RNF125: variants seen among roughly 807,000 people sequenced by gnomAD.
The protein encoded by RNF125 is ring finger protein 125, also known as E3 ubiquitin-protein ligase RNF125.
Under a neutral mutation model 26.0 loss-of-function variants are expected in RNF125, and 21 were observed. The ratio of observed to expected loss-of-function variants is 0.81; its 90% CI spans 0.57 to 1.16. The LOEUF is 1.16. Ranked by LOEUF, RNF125 falls within the 50% of genes most tolerant of loss-of-function variation. The pLI is 0.00. For synonymous variants in RNF125, 95 were observed against 109.2 expected, an observed-to-expected ratio of 0.87 and a Z score of 0.81; for missense variants, 270 against 299.4, an observed-to-expected ratio of 0.90 and a Z score of 0.72.
At chr18:32,053,699 T>C (rs1162052786) in intron 4 of RNF125, among the ~76,000 whole-genome samples, 2 of 150,894 alleles carry the variant, frequency 1.3e-5, no homozygotes, top group Middle Eastern at 3.2e-3. Flanking sequence ...GCGCGGGAGG[T>C]AGAGGCTGCA....
chr18:32,025,613 G>A (rs543609656), intron 1 of RNF125, among the ~76,000 whole-genome samples: 5 of 142,710 alleles, frequency 3.5e-5, no homozygotes, highest in Admixed American at 1.5e-4. Flanking sequence ...TGCAATAGCC[G>A]AGATGGCGCC....
chr18:32,029,180 G>C (rs2039068487), intron 1 of RNF125, among the ~76,000 whole-genome samples: 1 of 152,044 alleles, frequency 6.6e-6, no homozygotes, highest in African/African-American at 2.4e-5. Flanking sequence ...TCACTTTAAT[G>C]TTTTATAATT....
intron 1 of RNF125, among the ~76,000 whole-genome samples, chr18:32,034,678 T>C (rs148417743): frequency 0.022 from 3,387 of 152,072 alleles, 114 homozygotes; most frequent in African/African-American, 0.076. Context: ...TTTGGGAGGC[T>C]GAGGCGGGCA....
At chr18:32,039,571 T>G (rs1285772690) in intron 2 of RNF125, among the ~76,000 whole-genome samples, 6 of 152,132 alleles carry the variant, frequency 3.9e-5, no homozygotes, top group Admixed American at 6.6e-5. Flanking sequence ...TAATAATAGA[T>G]TATTGCCTAT....
At chr18:32,031,485 GGA>G (rs1491546993) in intron 1 of RNF125, 4 of 22,210 alleles carry the variant, frequency 1.8e-4, no homozygotes, top group South Asian at 1.4e-3. Context: ...TCAAATTGTG[GGA>G]AAAAAAAAAA....
the RNF125 span, among the ~76,000 whole-genome samples, chr18:32,089,543 CTA>C: frequency 6.6e-6 from 1 of 152,300 alleles, no homozygotes; most frequent in East Asian, 1.9e-4. Flanking sequence ...TTGAGTAAAT[CTA>C]TGACATTCTT....
At chr18:32,059,840 A>G (rs913916733) in intron 4 of RNF125, among the ~76,000 whole-genome samples, 1 of 152,126 alleles carries the variant, frequency 6.6e-6, no homozygotes, top group African/African-American at 2.4e-5. Flanking sequence ...TGAATAATCT[A>G]TATCCTAAGG....
rs762441388 is a variant in RNF125 at position 32,037,116 on chromosome 18, A to T, written c.165A>T (p.Val55=). The change falls in exon 2 of 6, where the codon GTA becomes GTT. Residue 55 remains valine (V), a splice_region_variant and synonymous_variant. Transcript: ENST00000217740. ...HQPVRTRCGH[V]FCRSCIATSL... is the part of the protein sequence containing the mutation. Reference sequence around the variant, plus strand: ...TGTATTTTTGGTCTGTTTGGGGTAGATTCTGCCGTTCCTGTATTGCTACCA... The same window carrying T: ...TGTATTTTTGGTCTGTTTGGGGTAGTTTCTGCCGTTCCTGTATTGCTACCA... 1 of 1,602,334 alleles carries T rather than the reference A, an allele frequency of 6.2e-7. No individual in the cohort carries two copies. The highest frequency in any genetic ancestry group is 2.3e-5 in the East Asian group (1 of 44,040).
intron 4 of RNF125, among the ~76,000 whole-genome samples, chr18:32,058,011 A>C (rs2039401661): frequency 6.6e-6 from 1 of 151,930 alleles, no homozygotes; most frequent in Admixed American, 6.6e-5. Flanking sequence ...TTATGCCAGT[A>C]GTCCCAGCAT....
At chr18:32,044,271 C>G (rs2039247379) in intron 3 of RNF125, among the ~76,000 whole-genome samples, 1 of 152,190 alleles carries the variant, frequency 6.6e-6, no homozygotes, top group African/African-American at 2.4e-5. Flanking sequence ...TCCCAGAGTG[C>G]TGGGATTACA....
chr18:32,027,646 G>A (rs1180267020), intron 1 of RNF125, among the ~76,000 whole-genome samples: 2 of 152,030 alleles, frequency 1.3e-5, no homozygotes, highest in African/African-American at 2.4e-5. Flanking sequence ...CTTTTCATCC[G>A]TTGTTCCAAG....
downstream of RNF125, among the ~76,000 whole-genome samples, chr18:32,077,365 G>A (rs116773296): frequency 8.8e-3 from 859 of 97,998 alleles, 14 homozygotes; most frequent in African/African-American, 0.031. Flanking sequence ...TTTGAGACAT[G>A]TAATCCCAAC....
At chr18:32,081,193 G>GAAAA in the RNF125 span, among the ~76,000 whole-genome samples, 2 of 104,398 alleles carry the variant, frequency 1.9e-5, no homozygotes, top group Non-Finnish European at 3.7e-5. Flanking sequence ...GACTACATCT[G>GAAAA]AAAAAAAAAA....
At chr18:32,046,850 G>C (rs1286063932) in intron 4 of RNF125, among the ~76,000 whole-genome samples, 2 of 151,534 alleles carry the variant, frequency 1.3e-5, no homozygotes, top group Non-Finnish European at 2.9e-5. Context: ...ATAGTTGTGA[G>C]GTAAGGCAGA....
downstream of RNF125, among the ~76,000 whole-genome samples, chr18:32,077,455 G>A (rs532380446): frequency 2.0e-5 from 3 of 148,066 alleles, no homozygotes; most frequent in Middle Eastern, 3.4e-3. Context: ...TCTGCCTCCC[G>A]GGTTCAAGCG....
chr18:32,076,236 T>C, downstream of RNF125: 1 of 443,492 alleles, frequency 2.3e-6, no homozygotes, highest in East Asian at 4.9e-5. Context: ...TTGTTGATGC[T>C]CTTGAGAGCA....
At chr18:32,052,870 A>G (rs1287721553) in intron 4 of RNF125, among the ~76,000 whole-genome samples, 1 of 152,234 alleles carries the variant, frequency 6.6e-6, no homozygotes, top group African/African-American at 2.4e-5. Flanking sequence ...ACTAAGGATC[A>G]TTGATATTAG....
rs538433613 is a variant in RNF125 at position 32,073,081 on chromosome 18, A to G, written c.*4697A>G. ...AGATTCATTCTTTTATTATTCAACT[A>G]CAAAAAAATAGTGTAATGATCAGAA... On this transcript the variant is annotated 3_prime_UTR_variant, in exon 6 of 6. Transcript: ENST00000217740. 4 of 152,328 alleles carry G rather than the reference A, an allele frequency of 2.6e-5. No homozygotes were observed. Among genetic ancestry groups the G allele is most frequent in the African/African-American group, 9.6e-5 (4 of 41,572 alleles). 9.4% of individuals were successfully genotyped at this position (152,328 alleles called of 1,614,324 possible).
At chr18:32,060,532 A>G (rs1299097667) in intron 4 of RNF125, among the ~76,000 whole-genome samples, 1 of 152,188 alleles carries the variant, frequency 6.6e-6, no homozygotes, top group Non-Finnish European at 1.5e-5. Context: ...TTGAATGTAC[A>G]CTGTATAGTT....
Sources: allele counts gnomAD v4.1 joint callset (sites outside exome capture counted in the v4.1 genomes callset), GRCh38; gene constraint gnomAD v4.1.1; transcripts MANE v1.5; gene names NCBI Gene and HGNC (gene_info 2026-07-23, HGNC 2026-07-21).